The following PRR12 variants were observed in gnomAD, a reference collection of about 807,000 sequenced individuals.
PRR12 encodes the protein proline rich 12, also known as proline-rich protein 12.
A neutral mutation model predicts 138.0 loss-of-function variants in PRR12; 12 were observed. The observed-to-expected ratio is 0.09, with a 90% CI of 0.06 to 0.14. The LOEUF (loss-of-function observed/expected upper bound fraction) is 0.14. Among genes scored for constraint, PRR12 ranks in the 10% least tolerant of loss-of-function variants. PRR12 has a pLI of 1.00. For missense variants in PRR12, 2,692 were observed against 2,861.3 expected, an observed-to-expected ratio of 0.94 and a Z score of 1.35; for synonymous variants, 1,567 against 1,291.7, an observed-to-expected ratio of 1.21 and a Z score of -4.57.
At position 49,591,596 on chromosome 19, in the gene PRR12, C is replaced by A; in HGVS notation, c.-59C>A. On this transcript the variant is annotated 5_prime_UTR_variant, in exon 1 of 14. Transcript: ENST00000418929. ...GAGCGGCGGCGGAGGAGAGCGCGCGCGCGCCCCCTCCCTCCCTCCCTCCCT... is the reference window on the plus strand; with the variant it reads ...GAGCGGCGGCGGAGGAGAGCGCGCGAGCGCCCCCTCCCTCCCTCCCTCCCT... 4.4e-6 allele frequency: 2 copies of A among 450,782 alleles called. No individual in the cohort carries two copies. Among genetic ancestry groups the A allele is most frequent in the Non-Finnish European group, 8.2e-6 (2 of 244,070 alleles). 27.9% of individuals were successfully genotyped at this position (450,782 alleles called of 1,614,324 possible).
chr19:49,597,281 C>T lies in PRR12; in HGVS notation c.2946C>T (p.Pro982=), dbSNP rs1448459843. 3.8e-6 allele frequency: 6 copies of T among 1,563,828 alleles called. No homozygotes were observed. Among genetic ancestry groups the T allele is most frequent in the Admixed American group, 1.9e-5 (1 of 53,688 alleles). The change falls in exon 4 of 14, where the codon CCC becomes CCT. Residue 982 remains proline, a synonymous_variant. Transcript: ENST00000418929. This position sits in a 1 kb window ranked among gnomAD's most constrained non-coding sequence, Gnocchi z 6.3. ...GDPKAGAGPP[P]GPPAYDPYGP... is the part of the protein sequence containing the mutation. ...CCAAGGCTGGCGCTGGGCCACCCCC[C>T]GGCCCCCCTGCTTATGATCCCTATG...
At chr19:49,607,361 G>GCGCACACACACACACA (rs1555742564) in intron 6 of PRR12, among the ~76,000 whole-genome samples, 487 of 147,858 alleles carry the variant, frequency 3.3e-3, no homozygotes, top group African/African-American at 0.011. Context: ...ATGTACGTGT[G>GCGCACACACACACACA]CACACACACA....
rs750468571 is a variant in PRR12 at position 49,597,119 on chromosome 19, G to A, written c.2784G>A (p.Pro928=). ...GCACCAAGGCGCCGCGTTTCGTGCC[G>A]CTCACCTCCATCTGCTTCCCTGACT... The part of the protein sequence containing the change: ...PQGTKAPRFV[P]LTSICFPDSL... Residue 928 remains proline (P), a synonymous_variant, in exon 4 of 14, where the codon CCG becomes CCA. Coordinates refer to ENST00000418929, the MANE Select transcript of PRR12 (RefSeq NM_020719.3). This position sits in a 1 kb window ranked among gnomAD's most constrained non-coding sequence, Gnocchi z 6.3. 12 of 1,550,794 alleles carry A rather than the reference G, an allele frequency of 7.7e-6. No homozygotes were observed. The highest frequency in any genetic ancestry group is 1.4e-5 in the African/African-American group (1 of 73,094).
chr19:49,596,637 C>T lies in PRR12; in HGVS notation c.2302C>T (p.Pro768Ser), dbSNP rs2080771243. 3 of 1,594,252 alleles carry T rather than the reference C, an allele frequency of 1.9e-6. No homozygotes were observed. The highest frequency in any genetic ancestry group is 1.7e-5 in the Admixed American group (1 of 57,520). ...CTTGCAAAAGAGCCCTCCGCCCCCACCTCCCACGGCCCAGTCTACCCAGCC... is the reference window on the plus strand; with the variant it reads ...CTTGCAAAAGAGCCCTCCGCCCCCATCTCCCACGGCCCAGTCTACCCAGCC... ...AFLQKSPPPP[P>S]PTAQSTQPTP... is the part of the protein sequence containing the mutation. The change falls in exon 4 of 14, where the codon CCT (proline) becomes TCT (serine). Residue 768 changes from proline to serine, a missense_variant. Transcript: ENST00000418929. This position sits in a 1 kb window ranked among gnomAD's most constrained non-coding sequence, Gnocchi z 5.6.
chr19:49,602,125 T>C (rs932428424), intron 6 of PRR12, among the ~76,000 whole-genome samples: 4 of 152,202 alleles, frequency 2.6e-5, no homozygotes, highest in Non-Finnish European at 4.4e-5. Flanking sequence ...TGTACATGCA[T>C]TACCTGTATA....
At chr19:49,604,866 T>G (rs564885913) in intron 6 of PRR12, among the ~76,000 whole-genome samples, 67 of 152,208 alleles carry the variant, frequency 4.4e-4, no homozygotes, top group African/African-American at 1.6e-3. Context: ...ATGCCCGTTT[T>G]TTCTGAGACA....
In PRR12 at chr19:49,597,280, C is replaced by A; in HGVS notation, c.2945C>A (p.Pro982His). The change falls in exon 4 of 14, where the codon CCC (proline) becomes CAC (histidine). Residue 982 changes from proline to histidine, a missense_variant. By Grantham distance (77) the Pro-to-His change is moderately conservative. Coordinates refer to ENST00000418929, the MANE Select transcript of PRR12 (RefSeq NM_020719.3). This position sits in a 1 kb window ranked among gnomAD's most constrained non-coding sequence, Gnocchi z 6.3. ...CCCAAGGCTGGCGCTGGGCCACCCC[C>A]CGGCCCCCCTGCTTATGATCCCTAT... The part of the protein sequence containing the change: ...GDPKAGAGPP[P>H]GPPAYDPYGP... The A allele has an allele frequency of 6.4e-7, 1 of 1,564,764 alleles. No individual in the cohort carries two copies. The highest frequency in any genetic ancestry group is 2.4e-5 in the East Asian group (1 of 42,354).
chr19:49,603,119 C>G (rs1011467103), intron 6 of PRR12, among the ~76,000 whole-genome samples: 10 of 152,232 alleles, frequency 6.6e-5, no homozygotes, highest in African/African-American at 2.4e-4. Context: ...TCTGGCTCAT[C>G]ATGAATAAAG....
intron 6 of PRR12, among the ~76,000 whole-genome samples, chr19:49,611,094 G>A (rs2080863576): frequency 6.6e-6 from 1 of 151,794 alleles, no homozygotes; most frequent in Non-Finnish European, 1.5e-5. Flanking sequence ...CATCTGCCTC[G>A]GCCTTCCAAA....
At chr19:49,600,911 G>C (rs942117505) in intron 5 of PRR12, among the ~76,000 whole-genome samples, 1 of 151,992 alleles carries the variant, frequency 6.6e-6, no homozygotes, top group African/African-American at 2.4e-5. Flanking sequence ...TTTTAGTAGA[G>C]ACGGGGTTTC....
intron 6 of PRR12, among the ~76,000 whole-genome samples, chr19:49,606,317 T>C (rs1291727301): frequency 2.7e-5 from 2 of 72,946 alleles, no homozygotes; most frequent in Non-Finnish European, 6.0e-5. Context: ...TTTTTCTTCT[T>C]TTTTTTTTTT....
At position 49,597,315 on chromosome 19, in the gene PRR12, T is replaced by C; in HGVS notation, c.2980T>C (p.Cys994Arg). Residue 994 changes from cysteine to arginine, a missense_variant, in exon 4 of 14, where the codon TGT becomes CGT. Cys to Arg is a radical substitution (Grantham distance 180). Transcript: ENST00000418929. The surrounding 1 kb of genome is among the most constrained non-coding windows in gnomAD (Gnocchi z 6.3). ...PPAYDPYGPY[C>R]PGRASGAGPE... ...TGCTTATGATCCCTATGGGCCCTACTGTCCTGGCCGGGCGTCGGGAGCCGG... is the reference window on the plus strand; with the variant it reads ...TGCTTATGATCCCTATGGGCCCTACCGTCCTGGCCGGGCGTCGGGAGCCGG... 6.4e-7 allele frequency: 1 copy of C among 1,553,602 alleles called. No homozygotes were observed. Among genetic ancestry groups the C allele is most frequent in the Non-Finnish European group, 8.7e-7 (1 of 1,152,512 alleles).
At chr19:49,613,935 C>A (rs888403293) in intron 6 of PRR12, among the ~76,000 whole-genome samples, 2 of 152,112 alleles carry the variant, frequency 1.3e-5, no homozygotes, top group Non-Finnish European at 2.9e-5. Flanking sequence ...ATGGAGAAAC[C>A]CCGTCTCTAC....
At position 49,599,190 on chromosome 19, in the gene PRR12, T is replaced by G; in HGVS notation, c.3679-82T>G. On this transcript the variant is annotated intron_variant, in intron 4 of 13. Coordinates refer to ENST00000418929, the MANE Select transcript of PRR12 (RefSeq NM_020719.3). The surrounding 1 kb of genome is among the most constrained non-coding windows in gnomAD (Gnocchi z 5.0). ...AATTCACAGGCTGAGCACCTGTAAA[T>G]TTGGATTTTTGGGGGCTGAGGGAGG... 1 of 1,347,972 alleles carries G rather than the reference T, an allele frequency of 7.4e-7. No individual in the cohort carries two copies. Among genetic ancestry groups the G allele is most frequent in the Non-Finnish European group, 9.9e-7 (1 of 1,012,928 alleles). 83.5% of individuals were successfully genotyped at this position (1,347,972 alleles called of 1,614,324 possible).
At chr19:49,593,720 T>A (rs1234268827) in intron 2 of PRR12, among the ~76,000 whole-genome samples, 1 of 152,086 alleles carries the variant, frequency 6.6e-6, no homozygotes, top group Non-Finnish European at 1.5e-5. Flanking sequence ...TTTCCGCCTC[T>A]CCCCAACCCA....
chr19:49,597,044 C>T lies in PRR12; in HGVS notation c.2709C>T (p.Asn903=). Residue 903 remains asparagine, a synonymous_variant, in exon 4 of 14, where the codon AAC becomes AAT. Transcript: ENST00000418929. The surrounding 1 kb of genome is among the most constrained non-coding windows in gnomAD (Gnocchi z 6.3). ...GGGATACTGGCGTAGGCCCACCAAA[C>T]TCGGAGGGCAAGGATCCCGCAGGCG... ...APGDTGVGPP[N]SEGKDPAGAY... The T allele has an allele frequency of 1.3e-6, 2 of 1,555,140 alleles. No homozygotes were observed. Among genetic ancestry groups the T allele is most frequent in the Admixed American group, 1.9e-5 (1 of 51,390 alleles).
At chr19:49,600,421 A>G (rs964075882) in intron 5 of PRR12, among the ~76,000 whole-genome samples, 62 of 151,830 alleles carry the variant, frequency 4.1e-4, no homozygotes, top group African/African-American at 1.5e-3. Flanking sequence ...TAATGTCAGA[A>G]ACAGAGGCAT....
Position 49,620,346 on chromosome 19 carries a change from C to T in PRR12, c.5498-6C>T, listed in dbSNP as rs2080915475. ...ATAACGAGCCTGCGTCCTGTCTTTT[C>T]TGCAGAGCGGGCAGTACCTGGGCGT... On this transcript the variant is annotated splice_region_variant and splice_polypyrimidine_tract_variant and intron_variant, in intron 9 of 13. Coordinates refer to ENST00000418929, the MANE Select transcript of PRR12 (RefSeq NM_020719.3). 6.2e-7 allele frequency: 1 copy of T among 1,613,076 alleles called. No homozygotes were observed. The highest frequency in any genetic ancestry group is 8.5e-7 in the Non-Finnish European group (1 of 1,179,538).
intron 9 of PRR12, among the ~76,000 whole-genome samples, chr19:49,618,349 C>T (rs1254682432): frequency 6.6e-6 from 1 of 152,046 alleles, no homozygotes; most frequent in South Asian, 2.1e-4. Flanking sequence ...AGTCACCTGA[C>T]CAGACTTCCC....
Sources: allele counts gnomAD v4.1 joint callset (sites outside exome capture counted in the v4.1 genomes callset), GRCh38; gene constraint gnomAD v4.1.1; non-coding constraint Gnocchi (gnomAD v3.1); transcripts MANE v1.5; gene names NCBI Gene and HGNC (gene_info 2026-07-23, HGNC 2026-07-21).